SLC25A13: variants seen among roughly 807,000 people sequenced by gnomAD.
The protein encoded by SLC25A13 is solute carrier family 25 member 13, also known as electrogenic aspartate/glutamate antiporter SLC25A13, mitochondrial.
SLC25A13 carries 70 observed loss-of-function variants against 85.5 expected under a neutral mutation model. That is an observed-to-expected ratio of 0.82 (90% CI 0.68 to 1.00). The LOEUF (loss-of-function observed/expected upper bound fraction) is 1.00. SLC25A13 is among the 50% of genes least tolerant of loss of function. The pLI is 0.00. For synonymous variants in SLC25A13, 259 were observed against 288.7 expected (o/e 0.90, Z 1.04); for missense variants, 765 against 819.8 (o/e 0.93, Z 0.82).
chr7:96,280,267 T>G (rs529978221), intron 2 of SLC25A13, among the ~76,000 whole-genome samples: 83 of 152,292 alleles, frequency 5.5e-4, no homozygotes, highest in African/African-American at 1.9e-3. Flanking sequence ...CAAATAAATA[T>G]TTTTTTAAAA....
intron 2 of SLC25A13, among the ~76,000 whole-genome samples, chr7:96,285,422 G>A (rs1798849745): frequency 6.6e-6 from 1 of 152,154 alleles, no homozygotes; most frequent in South Asian, 2.1e-4. Flanking sequence ...TTGAGCCAGA[G>A]TTGTATTTAA....
chr7:96,297,840 A>C (rs919910956), intron 1 of SLC25A13, among the ~76,000 whole-genome samples: 2 of 152,228 alleles, frequency 1.3e-5, no homozygotes, highest in Non-Finnish European at 2.9e-5. Flanking sequence ...TAGAAATACA[A>C]GTGGCTGTGG....
In SLC25A13 at chr7:96,296,898, C is replaced by T. The variant is rs778488962; in HGVS notation, c.69G>A (p.Lys23=). ...DPAELRTIFL[K]YASIEKNGEF... is the part of the protein sequence containing the mutation. ...ACAAAATAGATTCCTTTATACTGAC[C>T]TTCAAAAATATTGTTCTAAGCTCAG... is the stretch of plus-strand genomic sequence containing the variant. Residue 23 remains lysine (K), a splice_region_variant and synonymous_variant, in exon 2 of 18, where the codon AAG becomes AAA. Transcript: ENST00000265631. 1 of 1,612,742 alleles carries T rather than the reference C, an allele frequency of 6.2e-7. No homozygotes were observed. Among genetic ancestry groups the T allele is most frequent in the South Asian group, 1.1e-5 (1 of 91,032 alleles).
intron 13 of SLC25A13, among the ~76,000 whole-genome samples, chr7:96,168,058 C>G (rs1310013362): frequency 7.4e-6 from 1 of 135,552 alleles, no homozygotes; most frequent in Non-Finnish European, 1.5e-5. Flanking sequence ...CAAGATCCCG[C>G]CACTGCACTC....
intron 9 of SLC25A13, 96 bp from the exon 10 acceptor site, chr7:96,185,107 A>T: frequency 2.3e-6 from 2 of 874,506 alleles, no homozygotes; most frequent in South Asian, 3.7e-5. Flanking sequence ...AACATTACTC[A>T]TTGGGTTCTA....
At chr7:96,180,229 T>G (rs924558956) in intron 11 of SLC25A13, among the ~76,000 whole-genome samples, 6 of 152,252 alleles carry the variant, frequency 3.9e-5, no homozygotes, top group Non-Finnish European at 8.8e-5. Context: ...TAAGTTTAAT[T>G]CATAAAATGA....
chr7:96,208,354 A>G (rs547662142), intron 5 of SLC25A13, among the ~76,000 whole-genome samples: 27 of 152,286 alleles, frequency 1.8e-4, no homozygotes, highest in African/African-American at 6.3e-4. Flanking sequence ...TAATAAAGAA[A>G]TACTTCTCAA....
At chr7:96,218,506 A>G (rs1232255478) in intron 4 of SLC25A13, among the ~76,000 whole-genome samples, 3 of 152,200 alleles carry the variant, frequency 2.0e-5, no homozygotes, top group Non-Finnish European at 4.4e-5. Context: ...ATAATCTGAA[A>G]TCATCAAGGT....
chr7:96,282,007 G>C (rs1384271463), intron 2 of SLC25A13, among the ~76,000 whole-genome samples: 1 of 152,134 alleles, frequency 6.6e-6, no homozygotes, highest in Non-Finnish European at 1.5e-5. Context: ...CCTATAGGGG[G>C]AACGGACTAT....
At chr7:96,256,345 C>G in intron 3 of SLC25A13, among the ~76,000 whole-genome samples, 1 of 152,018 alleles carries the variant, frequency 6.6e-6, no homozygotes, top group South Asian at 2.1e-4. Context: ...CAAAGACACA[C>G]AGGCTCAAAA....
intron 3 of SLC25A13, among the ~76,000 whole-genome samples, chr7:96,259,585 G>C (rs1171665677): frequency 6.6e-6 from 1 of 152,160 alleles, no homozygotes; most frequent in Non-Finnish European, 1.5e-5. Context: ...TGGAGAAATA[G>C]GAACGCTTTT....
chr7:96,198,361 G>T (rs1795138733), intron 5 of SLC25A13, among the ~76,000 whole-genome samples: 1 of 152,184 alleles, frequency 6.6e-6, no homozygotes, highest in Non-Finnish European at 1.5e-5. Context: ...CTTGCAATAT[G>T]AAACAGTGGT....
At chr7:96,276,810 C>G (rs12704840) in intron 3 of SLC25A13, among the ~76,000 whole-genome samples, 5 of 152,056 alleles carry the variant, frequency 3.3e-5, no homozygotes, top group Middle Eastern at 3.2e-3. Flanking sequence ...AGGCGATTTG[C>G]TCAGAAAGAA....
At position 96,184,967 on chromosome 7, in the gene SLC25A13, T is replaced by C. The variant is rs776848302; in HGVS notation, c.978A>G (p.Ala326=). ...CCAGACCAAACCTGTAGGCCGACTC[T>C]GCAACTTGTAGAAGAACTGGTCGAG... is the stretch of plus-strand genomic sequence containing the variant. The part of the protein sequence containing the change: ...DSARPVLLQV[A]ESAYRFGLGS... Residue 326 remains alanine, a synonymous_variant, in exon 10 of 18, where the codon GCA becomes GCG. Transcript: ENST00000265631. The C allele has an allele frequency of 1.2e-6, 2 of 1,614,240 alleles. No individual in the cohort carries two copies. Among genetic ancestry groups the C allele is most frequent in the Non-Finnish European group, 8.5e-7 (1 of 1,180,040 alleles).
intron 11 of SLC25A13, among the ~76,000 whole-genome samples, chr7:96,176,695 G>A (rs1002302848): frequency 1.3e-5 from 2 of 152,156 alleles, no homozygotes; most frequent in Non-Finnish European, 2.9e-5. Flanking sequence ...AGAGGTTCCT[G>A]GGCCCACTGT....
chr7:96,129,942 G>C (rs1292506724), intron 15 of SLC25A13, among the ~76,000 whole-genome samples: 7 of 152,262 alleles, frequency 4.6e-5, no homozygotes, highest in Admixed American at 4.6e-4. Flanking sequence ...TGAAAAACCT[G>C]AATAGGAAAA....
chr7:96,186,487 A>G (rs1423672224), intron 9 of SLC25A13, among the ~76,000 whole-genome samples: 1 of 152,230 alleles, frequency 6.6e-6, no homozygotes, highest in Non-Finnish European at 1.5e-5. Flanking sequence ...ACAAGAATGT[A>G]GCACTTAAAA....
intron 4 of SLC25A13, among the ~76,000 whole-genome samples, chr7:96,212,038 G>A (rs923234038): frequency 6.6e-6 from 1 of 152,128 alleles, no homozygotes; most frequent in Non-Finnish European, 1.5e-5. Context: ...AAGGAAGGAG[G>A]TAGAGAAGAC....
chr7:96,243,271 T>A (rs2116843411), intron 3 of SLC25A13, among the ~76,000 whole-genome samples: 2 of 152,130 alleles, frequency 1.3e-5, no homozygotes, highest in Middle Eastern at 3.4e-3. Flanking sequence ...GGCCCCAGAG[T>A]CTGACTCTTT....
Sources: allele counts gnomAD v4.1 joint callset (sites outside exome capture counted in the v4.1 genomes callset), GRCh38; gene constraint gnomAD v4.1.1; transcripts MANE v1.5; gene names NCBI Gene and HGNC (gene_info 2026-07-23, HGNC 2026-07-21).